Variants in AKAP9 observed in about 807,000 individuals in gnomAD.
AKAP9 encodes the protein A-kinase anchor protein 9.
AKAP9 carries 311 observed loss-of-function variants against 488.5 expected under a neutral mutation model. That is an observed-to-expected ratio of 0.64 (90% CI 0.58 to 0.70). The LOEUF is 0.70. AKAP9 is among the 30% of genes least tolerant of loss of function. AKAP9 has a pLI of 0.00. For synonymous variants in AKAP9, 1,462 were observed against 1,483.5 expected (o/e 0.99, Z 0.33); for missense variants, 4,215 against 4,374.5 (o/e 0.96, Z 1.03).
intron 1 of AKAP9, among the ~76,000 whole-genome samples, chr7:91,971,192 C>G (rs959271007): frequency 6.6e-6 from 1 of 151,972 alleles, no homozygotes; most frequent in African/African-American, 2.4e-5. Context: ...TCCTTTTCTC[C>G]TCTGTATTTT....
chr7:91,995,426 G>A (rs542673673), intron 6 of AKAP9, among the ~76,000 whole-genome samples, 177 bp from the exon 7 acceptor site: 1 of 152,224 alleles, frequency 6.6e-6, no homozygotes, highest in South Asian at 2.1e-4. Flanking sequence ...TCATGGAAAA[G>A]ATAAGTTTAT....
chr7:91,963,556 C>T (rs571705453), intron 1 of AKAP9, among the ~76,000 whole-genome samples: 2 of 151,932 alleles, frequency 1.3e-5, no homozygotes, highest in South Asian at 4.2e-4. Flanking sequence ...CTTGCTCTGT[C>T]GCCCAGGCTA....
Position 91,995,666 on chromosome 7 carries a change from G to A in AKAP9, c.796G>A (p.Ala266Thr), listed in dbSNP as rs760556756. The A allele has an allele frequency of 6.2e-7, 1 of 1,614,090 alleles. No individual in the cohort carries two copies. The highest frequency in any genetic ancestry group is 8.5e-7 in the Non-Finnish European group (1 of 1,180,022). ...TAGCACAGCTGCAGACTTACTACAAGCCAAACAACAGATCCTCACTCATCA... is the reference window on the plus strand; with the variant it reads ...TAGCACAGCTGCAGACTTACTACAAACCAAACAACAGATCCTCACTCATCA... ...HSSTAADLLQ[A>T]KQQILTHQQQ... Residue 266 changes from alanine to threonine, a missense_variant, in exon 7 of 50, where the codon GCC becomes ACC. Physicochemically the swap from Ala to Thr is moderately conservative, Grantham distance 58 (BLOSUM62 0). Transcript: ENST00000356239.
rs78982211 is a variant in AKAP9, at chr7:91,961,097, A to G, written c.49-12614A>G. Among the ~76,000 whole-genome samples the G allele has an allele frequency of 7.0e-3, 1,073 of 152,322 alleles. 16 individuals are homozygous for G. The highest frequency in any genetic ancestry group is 0.024 in the African/African-American group (1,015 of 41,576). ...CACAGTGCCTGGCACATAATGAACA[A>G]TGAACACTCAAGAAACTGAAGAGAT... On this transcript the variant is annotated intron_variant, in intron 1 of 49. Transcript: ENST00000356239.
intron 18 of AKAP9, chr7:92,041,191 G>A: frequency 2.9e-6 from 1 of 341,372 alleles, no homozygotes; most frequent in South Asian, 5.0e-5. Flanking sequence ...ACACGGTTTT[G>A]TTTTTTTCTT....
Position 92,097,134 on chromosome 7 carries a change from A to G in AKAP9, c.10175A>G (p.Gln3392Arg), listed in dbSNP as rs1203056513. 6.2e-7 allele frequency: 1 copy of G among 1,614,142 alleles called. No homozygotes were observed. The highest frequency in any genetic ancestry group is 8.5e-7 in the Non-Finnish European group (1 of 1,180,054). ...KDRQVHRKTL[Q>R]TEQEANTEGQ... ...AGGCAGGTTCACAGGAAAACACTGCAGACAGAACAGGAGGCCAACACTGAG... is the reference window on the plus strand; with the variant it reads ...AGGCAGGTTCACAGGAAAACACTGCGGACAGAACAGGAGGCCAACACTGAG... The change falls in exon 41 of 50, where the codon CAG becomes CGG. Residue 3392 changes from glutamine to arginine, a missense_variant. This residue lies in a region of AKAP9 where 1,476 missense variants were observed against 1,477.4 expected (regional missense o/e 1.00). Coordinates refer to ENST00000356239, the MANE Select transcript of AKAP9 (RefSeq NM_005751.5).
At chr7:92,031,205 C>A (rs1804178529) in intron 15 of AKAP9, among the ~76,000 whole-genome samples, 1 of 152,162 alleles carries the variant, frequency 6.6e-6, no homozygotes, top group African/African-American at 2.4e-5. Flanking sequence ...AATCTGTACA[C>A]ACATATATAT....
intron 22 of AKAP9, among the ~76,000 whole-genome samples, chr7:92,059,411 G>C (rs1477237218): frequency 6.6e-6 from 1 of 150,750 alleles, no homozygotes; most frequent in East Asian, 1.9e-4. Flanking sequence ...ATTTTTTTTT[G>C]CTAGATTTAC....
intron 11 of AKAP9, 69 bp downstream of exon 11, chr7:92,016,336 CT>C: frequency 8.5e-7 from 1 of 1,169,674 alleles, no homozygotes. Context: ...CAGATTTTTA[CT>C]TTTGATTATG....
intron 24 of AKAP9, among the ~76,000 whole-genome samples, chr7:92,064,325 C>T (rs1463201136): frequency 6.6e-6 from 1 of 151,764 alleles, no homozygotes; most frequent in African/African-American, 2.4e-5. Flanking sequence ...TAGTTAAAGA[C>T]CCTAGGGATA....
At chr7:91,960,810 C>T (rs1793638408) in intron 1 of AKAP9, among the ~76,000 whole-genome samples, 1 of 152,160 alleles carries the variant, frequency 6.6e-6, no homozygotes, top group African/African-American at 2.4e-5. Context: ...TACTTACTAC[C>T]TGACATATGC....
At chr7:91,983,306 G>GT (rs771108349) in intron 3 of AKAP9, among the ~76,000 whole-genome samples, 36 of 152,086 alleles carry the variant, frequency 2.4e-4, no homozygotes, top group Non-Finnish European at 4.3e-4. Context: ...GTGGTGTTTG[G>GT]TTTTCTATCC....
chr7:92,066,307 A>G (rs1212221222), intron 25 of AKAP9, 120 bp from the exon 26 acceptor site: 13 of 1,259,360 alleles, frequency 1.0e-5, no homozygotes, highest in Admixed American at 2.0e-5. Context: ...GGGATGTTCC[A>G]TGATCATCAG....
intron 16 of AKAP9, among the ~76,000 whole-genome samples, chr7:92,038,143 A>AT (rs1247175680): frequency 6.6e-6 from 1 of 152,146 alleles, no homozygotes; most frequent in African/African-American, 2.4e-5. Flanking sequence ...AAGGGCTTTT[A>AT]TTTTCTAATT....
chr7:92,036,843 C>G (rs1805276031), intron 16 of AKAP9, among the ~76,000 whole-genome samples: 4 of 152,152 alleles, frequency 2.6e-5, no homozygotes, highest in Non-Finnish European at 4.4e-5. Flanking sequence ...TTTTAATTAT[C>G]TTTGTCTTTT....
At chr7:91,946,084 CA>C (rs987405422) in intron 1 of AKAP9, among the ~76,000 whole-genome samples, 3 of 151,590 alleles carry the variant, frequency 2.0e-5, no homozygotes, top group Admixed American at 6.6e-5. Context: ...CAATTGTGTA[CA>C]AAAAAAAGGA....
Position 92,022,833 on chromosome 7 carries a change from GTTATC to G in AKAP9, c.3975_3979del (p.Leu1325PhefsTer6). On this transcript the variant is annotated frameshift_variant, in exon 14 of 50. Transcript: ENST00000356239. LOFTEE classifies it high-confidence loss of function. ...ACATAGATGTCAATCATAAAAGCAA[GTTATC>G]TTCTCTGCAAGATCTTGAAAAAACT... The G allele has an allele frequency of 1.3e-6, 2 of 1,597,376 alleles. No individual in the cohort carries two copies. The highest frequency in any genetic ancestry group is 1.7e-6 in the Non-Finnish European group (2 of 1,167,054).
At chr7:91,997,883 G>A (rs967323042) in intron 7 of AKAP9, among the ~76,000 whole-genome samples, 1 of 152,042 alleles carries the variant, frequency 6.6e-6, no homozygotes, top group African/African-American at 2.4e-5. Flanking sequence ...TTAAGAAAAT[G>A]AATCCCCCCA....
chr7:92,062,159 G>A (rs1174389166), intron 23 of AKAP9, 115 bp from the exon 24 acceptor site: 13 of 906,388 alleles, frequency 1.4e-5, no homozygotes, highest in Non-Finnish European at 2.3e-5. Flanking sequence ...ACTTTTAATA[G>A]GTTGGAATGA....
Sources: allele counts gnomAD v4.1 joint callset (sites outside exome capture counted in the v4.1 genomes callset), GRCh38; gene constraint gnomAD v4.1.1; regional missense constraint gnomAD v4.1.1; transcripts MANE v1.5; gene names NCBI Gene and HGNC (gene_info 2026-07-23, HGNC 2026-07-21).